Variants in PTPRT observed in about 807,000 individuals in gnomAD.
PTPRT encodes the protein receptor-type tyrosine-protein phosphatase T.
PTPRT carries 56 observed loss-of-function variants against 176.8 expected under a neutral mutation model. That is an observed-to-expected ratio of 0.32 (90% CI 0.26 to 0.40). The LOEUF (loss-of-function observed/expected upper bound fraction) is 0.40. PTPRT is among the 10% of genes least tolerant of loss of function. The pLI, the probability that PTPRT is intolerant of heterozygous loss-of-function variation, is 1.00. For synonymous variants in PTPRT, 783 were observed against 739.0 expected (o/e 1.06, Z -0.96); for missense variants, 1,540 against 1,908.2 (o/e 0.81, Z 3.60).
chr20:43,176,735 C>T (rs1470957071), intron 1 of PTPRT, among the ~76,000 whole-genome samples: 1 of 152,204 alleles, frequency 6.6e-6, no homozygotes. Context: ...TGTGGATTTG[C>T]AGATGCTGAC....
intron 6 of PTPRT, among the ~76,000 whole-genome samples, chr20:42,706,109 T>A (rs1466042767): frequency 2.0e-5 from 3 of 151,684 alleles, no homozygotes; most frequent in Admixed American, 6.6e-5. Flanking sequence ...AGACTCCAGG[T>A]CATGTATGTC....
chr20:42,172,182 C>CAT (rs1426088090), intron 16 of PTPRT, among the ~76,000 whole-genome samples: 1 of 151,760 alleles, frequency 6.6e-6, no homozygotes, highest in Non-Finnish European at 1.5e-5. Flanking sequence ...GATAAAAAAA[C>CAT]ATAGTCATTG....
intron 1 of PTPRT, among the ~76,000 whole-genome samples, chr20:42,913,431 C>G (rs997243249): frequency 5.9e-5 from 9 of 152,160 alleles, no homozygotes; most frequent in Non-Finnish European, 1.3e-4. Flanking sequence ...CATCTCCACA[C>G]ATTGTCTTTT....
chr20:42,763,444 C>T (rs1294822869), intron 5 of PTPRT, among the ~76,000 whole-genome samples: 1 of 143,994 alleles, frequency 6.9e-6, no homozygotes, highest in African/African-American at 2.7e-5. Context: ...TTGGTTTGAA[C>T]TTCTTGGCAT....
intron 7 of PTPRT, among the ~76,000 whole-genome samples, chr20:42,611,667 T>C (rs1383626785): frequency 1.3e-5 from 2 of 152,210 alleles, no homozygotes; most frequent in Admixed American, 6.5e-5. Flanking sequence ...TGACAGCGAC[T>C]GAACTTTCTA....
intron 15 of PTPRT, among the ~76,000 whole-genome samples, chr20:42,214,499 A>AAGCAACAGCAGC (rs558052144): frequency 3.3e-5 from 5 of 152,286 alleles, no homozygotes; most frequent in Middle Eastern, 3.4e-3. Context: ...AAAGTTACAG[A>AAGCAACAGCAGC]AGCAACAGCA....
intron 1 of PTPRT, among the ~76,000 whole-genome samples, chr20:42,910,180 C>A (rs546265370): frequency 6.6e-6 from 1 of 152,132 alleles, no homozygotes; most frequent in Non-Finnish European, 1.5e-5. Flanking sequence ...TCCTGCTGCA[C>A]GCTTGGGAGT....
rs996834831 is a variant in PTPRT, at chr20:42,090,118, T to C, written c.3847-4265A>G. 3.9e-5 allele frequency among the ~76,000 whole-genome samples: 6 copies of C among 152,280 alleles called. No individual in the cohort carries two copies. The East Asian group carries it at 1.2e-3, about 29-fold the overall frequency. Reference sequence around the variant, plus strand: ...GCTTCTCCAGTTTGTTATGAGTGGCTGTGAATTTTAATGTCTACTTAGCAT... The same window carrying C: ...GCTTCTCCAGTTTGTTATGAGTGGCCGTGAATTTTAATGTCTACTTAGCAT... On this transcript the variant is annotated intron_variant, in intron 27 of 30. Coordinates refer to ENST00000373187, the MANE Select transcript of PTPRT (RefSeq NM_007050.6).
At chr20:42,548,212 A>C (rs1223149289) in intron 7 of PTPRT, among the ~76,000 whole-genome samples, 2 of 152,120 alleles carry the variant, frequency 1.3e-5, no homozygotes, top group African/African-American at 4.8e-5. Context: ...TATAAGAACT[A>C]GATAAACTTA....
intron 1 of PTPRT, among the ~76,000 whole-genome samples, chr20:43,154,908 CA>C (rs940824070): frequency 3.8e-4 from 56 of 148,394 alleles, no homozygotes; most frequent in African/African-American, 2.3e-4. Flanking sequence ...GACATTGATC[CA>C]AAAAAAAAGA....
intron 5 of PTPRT, among the ~76,000 whole-genome samples, chr20:42,763,318 A>G (rs2076941035): frequency 6.6e-6 from 1 of 152,248 alleles, no homozygotes; most frequent in African/African-American, 2.4e-5. Context: ...TAATTGGCAG[A>G]AGTGGAAACA....
intron 1 of PTPRT, among the ~76,000 whole-genome samples, chr20:42,970,441 C>T (rs908895389): frequency 2.6e-5 from 4 of 152,136 alleles, no homozygotes; most frequent in Admixed American, 1.3e-4. Flanking sequence ...AGTGGTTATA[C>T]AGACCCTGGA....
chr20:43,072,588 C>T (rs904729074), intron 1 of PTPRT, among the ~76,000 whole-genome samples: 9 of 152,206 alleles, frequency 5.9e-5, no homozygotes, highest in Non-Finnish European at 8.8e-5. Flanking sequence ...CAACCCAGTG[C>T]TAGCTGCTTG....
chr20:42,809,363 G>A (rs762180007), intron 2 of PTPRT, among the ~76,000 whole-genome samples: 13 of 152,150 alleles, frequency 8.5e-5, no homozygotes, highest in South Asian at 4.1e-4. Context: ...TGTGGCTCCC[G>A]GATCAGGATG....
chr20:43,153,795 T>C (rs1326146866), intron 1 of PTPRT, among the ~76,000 whole-genome samples: 2 of 152,184 alleles, frequency 1.3e-5, no homozygotes, highest in African/African-American at 4.8e-5. Context: ...TGGGATTGAA[T>C]TTCCACAGAG....
chr20:42,442,123 A>T (rs1289501877), intron 9 of PTPRT, among the ~76,000 whole-genome samples: 2 of 152,202 alleles, frequency 1.3e-5, no homozygotes, highest in Non-Finnish European at 2.9e-5. Flanking sequence ...AGACAGAGCC[A>T]GGAACCTTCT....
At chr20:42,803,990 G>A (rs1177263448) in intron 2 of PTPRT, among the ~76,000 whole-genome samples, 3 of 152,178 alleles carry the variant, frequency 2.0e-5, no homozygotes, top group African/African-American at 7.2e-5. Context: ...AGGCACCATA[G>A]TTGCCCTGGT....
In PTPRT at chr20:43,189,221, C is replaced by G. The variant is rs1046567817; in HGVS notation, c.88+425G>C. ...CGGCCTGCTGGGGACCTGTCCTCCC[C>G]ACTAAAAGCGCGCGCTGCCCGAGGA... On this transcript the variant is annotated intron_variant, in intron 1 of 30. Transcript: ENST00000373187. The surrounding 1 kb of genome is among the most constrained non-coding windows in gnomAD (Gnocchi z 5.0). Among the ~76,000 whole-genome samples the G allele has an allele frequency of 6.6e-6, 1 of 152,168 alleles. No individual in the cohort carries two copies. The highest frequency in any genetic ancestry group is 2.4e-5 in the African/African-American group (1 of 41,470).
chr20:42,237,263 C>A (rs2056263857), intron 14 of PTPRT, among the ~76,000 whole-genome samples: 1 of 152,160 alleles, frequency 6.6e-6, no homozygotes, highest in African/African-American at 2.4e-5. Context: ...TGTTACATGG[C>A]AGTAGATGAC....
Sources: allele counts gnomAD v4.1 joint callset (sites outside exome capture counted in the v4.1 genomes callset), GRCh38; gene constraint gnomAD v4.1.1; non-coding constraint Gnocchi (gnomAD v3.1); transcripts MANE v1.5; gene names NCBI Gene and HGNC (gene_info 2026-07-23, HGNC 2026-07-21).